Variants in MAP2K6 observed in about 807,000 individuals in gnomAD.
The protein encoded by MAP2K6 is mitogen-activated protein kinase kinase 6.
A neutral mutation model predicts 53.7 loss-of-function variants in MAP2K6; 16 were observed. The observed-to-expected ratio is 0.30, with a 90% CI of 0.20 to 0.45. The LOEUF (loss-of-function observed/expected upper bound fraction) is 0.45. MAP2K6 is among the 20% of genes least tolerant of loss of function. The probability of loss-of-function intolerance (pLI) is 1.00; values close to 1 mark genes in which losing one functional copy is unlikely to be tolerated. For synonymous variants in MAP2K6, 132 were observed against 143.1 expected (o/e 0.92, Z 0.55); for missense variants, 204 against 411.9 (o/e 0.50, Z 4.37).
intron 2 of MAP2K6, among the ~76,000 whole-genome samples, chr17:69,511,928 G>A (rs1321356574): frequency 2.0e-5 from 3 of 152,182 alleles, no homozygotes; most frequent in African/African-American, 4.8e-5. Flanking sequence ...GCAATGAGCC[G>A]AGATCGTGCC....
chr17:69,517,423 C>T lies in MAP2K6; in HGVS notation c.133-77C>T, dbSNP rs61758040. 3.0e-3 allele frequency: 2,137 copies of T among 710,398 alleles called. 8 individuals carry two copies. Among genetic ancestry groups the T allele is most frequent in the Non-Finnish European group, 4.0e-3 (1,803 of 448,078 alleles). The allele number at this position is 710,398 out of a possible 1,614,324, so 44.0% of individuals were successfully genotyped here. A position where few individuals can be genotyped will look rare whatever the true frequency, so the allele number is the denominator to read the frequency against. On this transcript the variant is annotated intron_variant, in intron 3 of 11. Coordinates refer to ENST00000590474, the MANE Select transcript of MAP2K6 (RefSeq NM_002758.4). ...ATAATCCTTAGAACATTGAGAGAAA[C>T]GAGATAGAGGATAATGTGCTCTCTG...
At chr17:69,515,036 A>G (rs1248891990) in intron 2 of MAP2K6, among the ~76,000 whole-genome samples, 2 of 152,090 alleles carry the variant, frequency 1.3e-5, no homozygotes, top group African/African-American at 2.4e-5. Flanking sequence ...CCAGAGAGAC[A>G]TGAGTCTTTA....
At chr17:69,429,825 C>T (rs1567815045) in intron 1 of MAP2K6, among the ~76,000 whole-genome samples, 1 of 152,098 alleles carries the variant, frequency 6.6e-6, no homozygotes, top group Non-Finnish European at 1.5e-5. Flanking sequence ...GTGTTGATGG[C>T]AGCAGGCTTC....
chr17:69,428,858 G>GTTTTTTTTTT (rs944503966), intron 1 of MAP2K6, among the ~76,000 whole-genome samples: 1 of 77,618 alleles, frequency 1.3e-5, no homozygotes. Context: ...TTCTGTTTTT[G>GTTTTTTTTTT]TTTTTGTTTT....
At chr17:69,493,530 G>A (rs1908833101) in intron 1 of MAP2K6, among the ~76,000 whole-genome samples, 1 of 152,138 alleles carries the variant, frequency 6.6e-6, no homozygotes, top group African/African-American at 2.4e-5. Context: ...GGAGGCTGAG[G>A]CAGGCAGATC....
At chr17:69,502,085 G>GCA (rs1909199466) in intron 1 of MAP2K6, 1 of 779,896 alleles carries the variant, frequency 1.3e-6, no homozygotes, top group South Asian at 5.8e-5. Context: ...TGCAGAACAT[G>GCA]GTACTGTCCA....
rs1314920592 is a variant in MAP2K6, at chr17:69,441,698, C to T, written c.16+26698C>T. On this transcript the variant is annotated intron_variant, in intron 1 of 11. Coordinates refer to ENST00000590474, the MANE Select transcript of MAP2K6 (RefSeq NM_002758.4). ...TGAAATCTGGACATTTTGTGATATC[C>T]GATTCTTACTTAATTCTTATGATTC... 4.6e-5 allele frequency among the ~76,000 whole-genome samples: 7 copies of T among 152,062 alleles called. No individual in the cohort carries two copies. In the South Asian group the frequency reaches 8.3e-4, roughly 18 times the overall value.
intron 1 of MAP2K6, chr17:69,502,045 A>G (rs1909198303): frequency 2.1e-6 from 1 of 475,412 alleles, no homozygotes; most frequent in South Asian, 9.0e-5. Context: ...TCTTTCTTTT[A>G]AGAAATCAAA....
intron 1 of MAP2K6, among the ~76,000 whole-genome samples, chr17:69,452,366 A>G (rs918039199): frequency 8.5e-5 from 13 of 152,184 alleles, no homozygotes; most frequent in Admixed American, 8.5e-4. Flanking sequence ...TAAGATGCCT[A>G]CCTTCTCTGT....
intron 1 of MAP2K6, among the ~76,000 whole-genome samples, chr17:69,455,907 C>G (rs1907394475): frequency 7.4e-6 from 1 of 134,886 alleles, no homozygotes; most frequent in Non-Finnish European, 1.5e-5. Context: ...GTTGCCCAGG[C>G]TGGAGTGCAA....
chr17:69,502,968 T>TA (rs1211228120), intron 1 of MAP2K6, among the ~76,000 whole-genome samples: 83 of 152,340 alleles, frequency 5.4e-4, no homozygotes, highest in African/African-American at 1.9e-3. Flanking sequence ...AATAAATAGC[T>TA]ATTTCTCTTT....
intron 10 of MAP2K6, among the ~76,000 whole-genome samples, chr17:69,527,741 C>G (rs1910849804): frequency 6.6e-6 from 1 of 152,154 alleles, no homozygotes; most frequent in Non-Finnish European, 1.5e-5. Context: ...GGGGAAGGGC[C>G]TGGAGCTCTG....
At chr17:69,520,177 A>G (rs562732253) in intron 5 of MAP2K6, 93 bp from the exon 6 acceptor site, 5 of 672,630 alleles carry the variant, frequency 7.4e-6, no homozygotes, top group East Asian at 2.8e-5. Context: ...GAAATAGTTA[A>G]TTCTTCAGGA....
intron 1 of MAP2K6, among the ~76,000 whole-genome samples, chr17:69,473,285 A>G (rs1000405677): frequency 1.3e-5 from 2 of 152,248 alleles, no homozygotes; most frequent in African/African-American, 4.8e-5. Flanking sequence ...GTTTACAAAA[A>G]TAGGATTAAT....
At chr17:69,443,349 T>C (rs1235434266) in intron 1 of MAP2K6, among the ~76,000 whole-genome samples, 1 of 152,190 alleles carries the variant, frequency 6.6e-6, no homozygotes, top group Non-Finnish European at 1.5e-5. Context: ...TAAGGCGCCA[T>C]GGAGGCTGTG....
chr17:69,531,680 A>G (rs957629239), intron 10 of MAP2K6, among the ~76,000 whole-genome samples: 2 of 152,224 alleles, frequency 1.3e-5, no homozygotes, highest in Non-Finnish European at 2.9e-5. Flanking sequence ...AACGTAAAGG[A>G]AAAAAGCAAA....
At chr17:69,519,488 C>G in intron 5 of MAP2K6, 56 bp downstream of exon 5, 7 of 1,608,586 alleles carry the variant, frequency 4.4e-6, no homozygotes, top group Non-Finnish European at 6.0e-6. Flanking sequence ...AAAGAAGTTT[C>G]TTTGATCACG....
intron 1 of MAP2K6, among the ~76,000 whole-genome samples, chr17:69,437,802 C>T (rs1001610976): frequency 2.0e-5 from 3 of 152,222 alleles, no homozygotes; most frequent in Admixed American, 6.5e-5. Context: ...TTCACCTATT[C>T]TAGATATTCC....
chr17:69,478,940 C>T (rs146370686), intron 1 of MAP2K6, among the ~76,000 whole-genome samples: 4 of 151,982 alleles, frequency 2.6e-5, no homozygotes, highest in South Asian at 2.1e-4. Flanking sequence ...AGCACAGGGG[C>T]GAACTTCTCT....
Sources: gnomAD v4.1 joint callset for allele counts (sites outside exome capture counted in the v4.1 genomes callset) on GRCh38, gnomAD v4.1.1 for gene constraint, MANE v1.5 for transcripts, NCBI Gene and HGNC (gene_info 2026-07-23, HGNC 2026-07-21) for gene names.